RAD51AP2: variants seen among roughly 807,000 people sequenced by gnomAD.
The protein encoded by RAD51AP2 is RAD51-associated protein 2.
In RAD51AP2, 67 loss-of-function variants were observed where a neutral mutation model predicts 85.5. The ratio of observed to expected loss-of-function variants is 0.78; its 90% confidence interval spans 0.64 to 0.96. The LOEUF is 0.96. RAD51AP2 is among the 40% of genes least tolerant of loss of function. The pLI, the probability that RAD51AP2 is intolerant of heterozygous loss-of-function variation, is 0.00. For synonymous variants in RAD51AP2, 474 were observed against 446.5 expected, an observed-to-expected ratio of 1.06 and a Z score of -0.78; for missense variants, 1,307 against 1,332.4, an observed-to-expected ratio of 0.98 and a Z score of 0.30.
chr2:17,531,323 C>A, the RAD51AP2 span, among the ~76,000 whole-genome samples: 2 of 151,998 alleles, frequency 1.3e-5, no homozygotes, highest in African/African-American at 4.8e-5. Context: ...GGACATGTCC[C>A]TTATGAATAT....
the RAD51AP2 span, among the ~76,000 whole-genome samples, chr2:17,536,318 C>G: frequency 6.6e-6 from 1 of 152,124 alleles, no homozygotes; most frequent in Non-Finnish European, 1.5e-5. Flanking sequence ...AAAAAGAGTA[C>G]AGCCTAGCAA....
At chr2:17,529,747 T>G in the RAD51AP2 span, among the ~76,000 whole-genome samples, 1 of 152,210 alleles carries the variant, frequency 6.6e-6, no homozygotes, top group African/African-American at 2.4e-5. Flanking sequence ...CAGGGAAGTA[T>G]TCATGGGATT....
chr2:17,514,439 G>GGAA (rs1172806427), intron 1 of RAD51AP2, among the ~76,000 whole-genome samples: 1 of 152,100 alleles, frequency 6.6e-6, no homozygotes, highest in Non-Finnish European at 1.5e-5. Context: ...AGAGTGAAGA[G>GGAA]GAAGAGGTTG....
chr2:17,526,322 T>C, the RAD51AP2 span, among the ~76,000 whole-genome samples: 1 of 148,758 alleles, frequency 6.7e-6, no homozygotes, highest in African/African-American at 2.4e-5. Flanking sequence ...ACAAGGCTCG[T>C]CTTTCAATAG....
At position 17,515,749 on chromosome 2, in the gene RAD51AP2, T is replaced by C. The variant is rs2103308567; in HGVS notation, c.2667A>G (p.Lys889=). ...TTGTTACATAATTTTGATTAACATA[T>C]TTATTTTCTTCCACATTTACTTCCT... is the stretch of plus-strand genomic sequence containing the variant. ...ISKEVNVEEN[K]YVNQNYVTNT... The change falls in exon 1 of 3, where the codon AAA becomes AAG. Residue 889 remains lysine (K), a synonymous_variant. Coordinates refer to ENST00000399080, the MANE Select transcript of RAD51AP2 (RefSeq NM_001099218.3). 6.3e-7 allele frequency: 1 copy of C among 1,596,550 alleles called. No homozygotes were observed. The highest frequency in any genetic ancestry group is 8.5e-7 in the Non-Finnish European group (1 of 1,171,070).
At chr2:17,519,847 T>G (rs1662818891), upstream of RAD51AP2, among the ~76,000 whole-genome samples, 1 of 152,206 alleles carries the variant, frequency 6.6e-6, no homozygotes, top group African/African-American at 2.4e-5. Context: ...TAATCCATTC[T>G]GTTTTAGCCC....
chr2:17,520,702 A>C (rs1662839354), upstream of RAD51AP2, among the ~76,000 whole-genome samples: 1 of 152,090 alleles, frequency 6.6e-6, no homozygotes. Context: ...TAATGTCCTT[A>C]AGCATAGTAT....
At chr2:17,532,359 C>T in the RAD51AP2 span, among the ~76,000 whole-genome samples, 2 of 152,042 alleles carry the variant, frequency 1.3e-5, no homozygotes, top group Non-Finnish European at 1.5e-5. Context: ...CTCTGGTGTT[C>T]TCTGGCTTGT....
Position 17,517,665 on chromosome 2 carries a change from A to C in RAD51AP2, c.751T>G (p.Phe251Val). 1 of 1,613,878 alleles carries C rather than the reference A, an allele frequency of 6.2e-7. No individual in the cohort carries two copies. Among genetic ancestry groups the C allele is most frequent in the Non-Finnish European group, 8.5e-7 (1 of 1,179,938 alleles). The change falls in exon 1 of 3, where the codon TTT (phenylalanine) becomes GTT (valine). Residue 251 changes from phenylalanine (F) to valine (V), a missense_variant. By Grantham distance (50) the Phe-to-Val change is conservative. Transcript: ENST00000399080. ...ACACTTATTGTGCCGCTATCTCTAA[A>C]ATAGCTAGGTTTGGCAATTTCCAAG... is the stretch of plus-strand genomic sequence containing the variant. Reference protein sequence around the residue: ...PSLEIAKPSYFRDSGTISVPQ... With the variant: ...PSLEIAKPSYVRDSGTISVPQ...
Position 17,517,241 on chromosome 2 carries a change from G to C in RAD51AP2, c.1175C>G (p.Ser392Cys), listed in dbSNP as rs1227006413. ...TCTAACGTTACAGTCCCAGTTTTGA[G>C]ATTTTTCCAGCCTGGTAAGTACGTA... The part of the protein sequence containing the change: ...DSYVLTRLEK[S>C]QNWDCNVRHI... Residue 392 changes from serine (S) to cysteine (C), a missense_variant, in exon 1 of 3, where the codon TCT becomes TGT. Ser to Cys is a moderately radical substitution (Grantham distance 112). Coordinates refer to ENST00000399080, the MANE Select transcript of RAD51AP2 (RefSeq NM_001099218.3). 1.2e-6 allele frequency: 2 copies of C among 1,613,878 alleles called. No individual in the cohort carries two copies. The highest frequency in any genetic ancestry group is 1.7e-6 in the Non-Finnish European group (2 of 1,179,956).
chr2:17,529,000 A>C, the RAD51AP2 span, among the ~76,000 whole-genome samples: 1 of 152,176 alleles, frequency 6.6e-6, no homozygotes, highest in African/African-American at 2.4e-5. Context: ...CCAATTGTAA[A>C]AACTGTTCCC....
At chr2:17,520,968 G>A (rs1199435115), upstream of RAD51AP2, among the ~76,000 whole-genome samples, 1 of 151,858 alleles carries the variant, frequency 6.6e-6, no homozygotes, top group African/African-American at 2.4e-5. Context: ...TACTTGCATC[G>A]TCATCTGTTT....
At chr2:17,511,053 T>C in intron 2 of RAD51AP2, 98 bp from the exon 3 acceptor site, 1 of 669,584 alleles carries the variant, frequency 1.5e-6, no homozygotes, top group East Asian at 3.1e-5. Flanking sequence ...TACTGAATAT[T>C]TACTGAGCAC....
Position 17,518,316 on chromosome 2 carries a change from T to G in RAD51AP2, c.100A>C (p.Lys34Gln). ...CCAGGCTCCTCAAGACAGAGCCGCT[T>G]GCTACTAGGTGGTTGGGAATCCGGG... ...EDPDSQPPSS[K>Q]RLCLEEPGGV... Residue 34 changes from lysine (K) to glutamine (Q), a missense_variant, in exon 1 of 3, where the codon AAG becomes CAG. Coordinates refer to ENST00000399080, the MANE Select transcript of RAD51AP2 (RefSeq NM_001099218.3). The G allele has an allele frequency of 6.2e-7, 1 of 1,614,082 alleles. No individual in the cohort carries two copies.
Position 17,516,154 on chromosome 2 carries a change from A to G in RAD51AP2, c.2262T>C (p.Tyr754=). 1 of 1,613,200 alleles carries G rather than the reference A, an allele frequency of 6.2e-7. No homozygotes were observed. The highest frequency in any genetic ancestry group is 8.5e-7 in the Non-Finnish European group (1 of 1,179,604). ...AATCTTGGCTGTGCATATTTACTTC[A>G]TAAAAATTTTCATTAATGTATCCTC... is the stretch of plus-strand genomic sequence containing the variant. ...NNRGYINENF[Y]EVNMHSQDLN... is the part of the protein sequence containing the mutation. Residue 754 remains tyrosine (Y), a synonymous_variant, in exon 1 of 3, where the codon TAT becomes TAC. Coordinates refer to ENST00000399080, the MANE Select transcript of RAD51AP2 (RefSeq NM_001099218.3).
At chr2:17,520,348 A>G (rs1270200375), upstream of RAD51AP2, among the ~76,000 whole-genome samples, 2 of 152,166 alleles carry the variant, frequency 1.3e-5, no homozygotes, top group African/African-American at 4.8e-5. Context: ...TGAACCAGTT[A>G]TAAGTGAGAA....
chr2:17,537,048 G>A, the RAD51AP2 span, among the ~76,000 whole-genome samples: 1 of 152,236 alleles, frequency 6.6e-6, no homozygotes, highest in Non-Finnish European at 1.5e-5. Flanking sequence ...GACTGGAAAA[G>A]ATGGCTCATG....
chr2:17,526,567 C>A, the RAD51AP2 span, among the ~76,000 whole-genome samples: 1 of 152,086 alleles, frequency 6.6e-6, no homozygotes, highest in Non-Finnish European at 1.5e-5. Context: ...CATAATTATC[C>A]ATTGTTGAAG....
At chr2:17,528,906 C>T in the RAD51AP2 span, among the ~76,000 whole-genome samples, 2 of 152,080 alleles carry the variant, frequency 1.3e-5, no homozygotes, top group South Asian at 4.1e-4. Flanking sequence ...AAAGGAGGAC[C>T]AGTACCTAAG....
Sources: allele counts gnomAD v4.1 joint callset (sites outside exome capture counted in the v4.1 genomes callset), GRCh38; gene constraint gnomAD v4.1.1; transcripts MANE v1.5; gene names NCBI Gene and HGNC (gene_info 2026-07-23, HGNC 2026-07-21).